The following PGM5 variants were observed in gnomAD, a reference collection of about 807,000 sequenced individuals.
PGM5 encodes phosphoglucomutase 5.
A neutral mutation model predicts 59.2 loss-of-function variants in PGM5; 23 were observed. The ratio of observed to expected loss-of-function variants is 0.39; its 90% CI spans 0.28 to 0.55. The LOEUF (loss-of-function observed/expected upper bound fraction) is 0.55, where lower values mean the gene tolerates loss of function less well. PGM5 is among the 20% of genes least tolerant of loss of function. PGM5 has a pLI of 0.66. For synonymous variants in PGM5, 214 were observed against 286.0 expected (o/e 0.75, Z 2.54); for missense variants, 574 against 748.3 (o/e 0.77, Z 2.72).
At chr9:68,484,241 G>A (rs1824250150) in intron 9 of PGM5, among the ~76,000 whole-genome samples, 193 bp downstream of exon 9, 1 of 151,862 alleles carries the variant, frequency 6.6e-6, no homozygotes, top group Admixed American at 6.6e-5. Flanking sequence ...TTAGAACATG[G>A]GCTTTCTGTG....
intron 10 of PGM5, among the ~76,000 whole-genome samples, chr9:68,509,035 T>A (rs1193485912): frequency 6.6e-6 from 1 of 152,192 alleles, no homozygotes; most frequent in African/African-American, 2.4e-5. Flanking sequence ...GGAAGCAGCT[T>A]TTCCTGGGCT....
At position 68,454,386 on chromosome 9, in the gene PGM5, T is replaced by C. The variant is rs535731212; in HGVS notation, c.1044-10707T>C. Among the ~76,000 whole-genome samples the C allele has an allele frequency of 7.5e-4, 114 of 152,330 alleles. No homozygotes were observed. The East Asian group carries it at 0.012, about 16-fold the overall frequency. On this transcript the variant is annotated intron_variant, in intron 6 of 10. Coordinates refer to ENST00000396396, the MANE Select transcript of PGM5 (RefSeq NM_021965.4). ...TCAGTTTTGAGTGTGCCATCAATTC[T>C]GTTGGGGACCTCATTGATACAAGGA...
intron 6 of PGM5, chr9:68,398,202 T>C (rs1365944303): frequency 6.6e-6 from 1 of 152,230 alleles, no homozygotes; most frequent in Non-Finnish European, 1.5e-5. Flanking sequence ...CTTTAGCAGA[T>C]AAATATGTTC....
chr9:68,409,642 G>A (rs1162698829), intron 6 of PGM5, among the ~76,000 whole-genome samples: 2 of 144,200 alleles, frequency 1.4e-5, no homozygotes, highest in African/African-American at 2.6e-5. Context: ...ACCAAACACC[G>A]CATGTTCTCA....
chr9:68,463,902 C>T (rs1358176412), intron 6 of PGM5, among the ~76,000 whole-genome samples: 4 of 152,134 alleles, frequency 2.6e-5, no homozygotes, highest in Admixed American at 2.6e-4. Flanking sequence ...GAAACCACAA[C>T]CCCACCATAA....
intron 6 of PGM5, among the ~76,000 whole-genome samples, chr9:68,447,545 G>A (rs1466789729): frequency 1.3e-5 from 2 of 152,114 alleles, no homozygotes; most frequent in East Asian, 3.9e-4. Flanking sequence ...GAGGATAAAG[G>A]TGATAACATC....
intron 6 of PGM5, among the ~76,000 whole-genome samples, chr9:68,452,237 C>T (rs1823707751): frequency 6.6e-6 from 1 of 152,180 alleles, no homozygotes; most frequent in Admixed American, 6.5e-5. Flanking sequence ...GCCCTTTGCC[C>T]TTCTACCACC....
chr9:68,413,751 C>T (rs1822975994), intron 6 of PGM5, among the ~76,000 whole-genome samples: 1 of 152,178 alleles, frequency 6.6e-6, no homozygotes, highest in African/African-American at 2.4e-5. Context: ...TTTTGAAATG[C>T]TAGTGCCCAT....
chr9:68,447,742 G>T (rs1823636167), intron 6 of PGM5, among the ~76,000 whole-genome samples: 1 of 152,094 alleles, frequency 6.6e-6, no homozygotes, highest in Non-Finnish European at 1.5e-5. Context: ...AACATATCCA[G>T]AAATACCCAT....
At chr9:68,435,198 C>T (rs1011229565) in intron 6 of PGM5, among the ~76,000 whole-genome samples, 4 of 152,088 alleles carry the variant, frequency 2.6e-5, no homozygotes, top group Admixed American at 2.0e-4. Flanking sequence ...CCTTTATAGC[C>T]CATGCACATT....
At chr9:68,456,906 G>A (rs553439703) in intron 6 of PGM5, among the ~76,000 whole-genome samples, 5 of 152,156 alleles carry the variant, frequency 3.3e-5, no homozygotes, top group Non-Finnish European at 4.4e-5. Flanking sequence ...GATTACAGGC[G>A]TGAGCCACTG....
At chr9:68,499,011 C>A in intron 9 of PGM5, 4 of 540,510 alleles carry the variant, frequency 7.4e-6, no homozygotes, top group Non-Finnish European at 1.3e-5. Flanking sequence ...CCCACATTAA[C>A]CACAAAGCAA....
chr9:68,483,036 T>G (rs1351667939), intron 8 of PGM5, among the ~76,000 whole-genome samples: 1 of 152,212 alleles, frequency 6.6e-6, no homozygotes, highest in Non-Finnish European at 1.5e-5. Flanking sequence ...TTGTGCTCAG[T>G]TCCCCTTCTC....
chr9:68,507,297 A>G (rs1386092597), intron 10 of PGM5, among the ~76,000 whole-genome samples: 1 of 152,166 alleles, frequency 6.6e-6, no homozygotes, highest in African/African-American at 2.4e-5. Context: ...TCAGGAATTT[A>G]AGGAATAATG....
chr9:68,516,031 G>A (rs575499666), intron 10 of PGM5, among the ~76,000 whole-genome samples: 1 of 152,216 alleles, frequency 6.6e-6, no homozygotes, highest in Non-Finnish European at 1.5e-5. Context: ...ACAATCCAAT[G>A]CTATAGGTAG....
Position 68,502,556 on chromosome 9 carries a change from G to A in PGM5, c.1614+3195G>A, listed in dbSNP as rs1034133394. Among the ~76,000 whole-genome samples the A allele has an allele frequency of 6.6e-5, 10 of 152,192 alleles. No homozygotes were observed. The East Asian group carries it at 1.7e-3, about 26-fold the overall frequency. On this transcript the variant is annotated intron_variant, in intron 10 of 10. Transcript: ENST00000396396. ...AATCACAGACTGATAATCAGCCCGT[G>A]GCTAATCAACCCTTGGCTTTAGTAC...
intron 9 of PGM5, among the ~76,000 whole-genome samples, chr9:68,494,117 TGG>T (rs1824443756): frequency 6.6e-6 from 1 of 152,150 alleles, no homozygotes. Flanking sequence ...TTTGAGTGTG[TGG>T]CTATGTGTCA....
intron 9 of PGM5, among the ~76,000 whole-genome samples, chr9:68,489,443 GTTGT>G (rs1292742009): frequency 1.3e-4 from 19 of 149,702 alleles, no homozygotes; most frequent in African/African-American, 4.4e-4. Context: ...TGTTGTTGTT[GTTGT>G]TTTCTTTTTT....
intron 10 of PGM5, among the ~76,000 whole-genome samples, chr9:68,527,099 G>C (rs1824991048): frequency 1.3e-5 from 2 of 152,198 alleles, no homozygotes; most frequent in African/African-American, 4.8e-5. Flanking sequence ...TTAGTTTGTA[G>C]AGTTAAGTGG....
Sources: allele counts gnomAD v4.1 joint callset (sites outside exome capture counted in the v4.1 genomes callset), GRCh38; gene constraint gnomAD v4.1.1; transcripts MANE v1.5; gene names NCBI Gene and HGNC (gene_info 2026-07-23, HGNC 2026-07-21).